MARCHF1: variants seen among roughly 807,000 people sequenced by gnomAD.
The protein encoded by MARCHF1 is membrane associated ring-CH-type finger 1.
A neutral mutation model predicts 54.2 loss-of-function variants in MARCHF1; 40 were observed. The ratio of observed to expected loss-of-function variants is 0.74; its 90% CI spans 0.57 to 0.96. MARCHF1 has a LOEUF of 0.96. MARCHF1 is among the 40% of genes least tolerant of loss of function. The probability of loss-of-function intolerance (pLI) is 0.00; values close to 1 mark genes in which losing one functional copy is unlikely to be tolerated. For synonymous variants in MARCHF1, 236 were observed against 236.3 expected (o/e 1.00, Z 0.01); for missense variants, 586 against 656.5 (o/e 0.89, Z 1.17).
At chr4:164,083,227 CG>C (rs1755134230) in intron 2 of MARCHF1, among the ~76,000 whole-genome samples, 9 of 151,872 alleles carry the variant, frequency 5.9e-5, no homozygotes, top group Admixed American at 5.2e-4. Context: ...ATGGTCTCTG[CG>C]GGGTGGTGAA....
intron 1 of MARCHF1, among the ~76,000 whole-genome samples, chr4:164,136,757 G>A (rs1264348131): frequency 6.6e-6 from 1 of 151,886 alleles, no homozygotes; most frequent in African/African-American, 2.4e-5. Context: ...GAAGTTGAGA[G>A]TGGGCAGACA....
chr4:163,756,850 T>C (rs1746690505), intron 4 of MARCHF1, among the ~76,000 whole-genome samples: 1 of 151,990 alleles, frequency 6.6e-6, no homozygotes, highest in South Asian at 2.1e-4. Context: ...TTGTGATATG[T>C]CTAAAGAAAA....
intron 4 of MARCHF1, among the ~76,000 whole-genome samples, chr4:163,769,944 C>T (rs937383793): frequency 2.6e-5 from 4 of 152,068 alleles, no homozygotes; most frequent in African/African-American, 9.7e-5. Flanking sequence ...GACTAACCCC[C>T]CTTTTCCTTT....
chr4:163,688,882 G>C (rs1744354741), intron 5 of MARCHF1, among the ~76,000 whole-genome samples: 1 of 152,102 alleles, frequency 6.6e-6, no homozygotes. Flanking sequence ...GCAAAAATTA[G>C]AAATAAATGA....
intron 1 of MARCHF1, chr4:164,188,853 CTTAT>C: frequency 1.3e-6 from 1 of 782,916 alleles, no homozygotes; most frequent in Non-Finnish European, 2.4e-6. Flanking sequence ...ACCGCTGAGG[CTTAT>C]TTGAGAAAGA....
chr4:164,205,273 G>T (rs1341816829), intron 1 of MARCHF1, among the ~76,000 whole-genome samples: 1 of 152,162 alleles, frequency 6.6e-6, no homozygotes, highest in Non-Finnish European at 1.5e-5. Flanking sequence ...CAGTCAATAT[G>T]TCCTCAAACT....
intron 4 of MARCHF1, among the ~76,000 whole-genome samples, chr4:163,808,511 C>T (rs1748290506): frequency 6.6e-6 from 1 of 152,070 alleles, no homozygotes; most frequent in Non-Finnish European, 1.5e-5. Context: ...ACAAATGAGG[C>T]CTGTGCTCCA....
chr4:163,531,445 A>T (rs1738346531), intron 9 of MARCHF1, among the ~76,000 whole-genome samples: 1 of 151,822 alleles, frequency 6.6e-6, no homozygotes, highest in African/African-American at 2.4e-5. Flanking sequence ...TAGGAACGGA[A>T]GGGAATTTCC....
chr4:163,720,497 T>A (rs534094336), intron 4 of MARCHF1, among the ~76,000 whole-genome samples: 2 of 152,256 alleles, frequency 1.3e-5, no homozygotes, highest in Non-Finnish European at 2.9e-5. Flanking sequence ...CTTAAGATTG[T>A]CTTGGCAATG....
At chr4:163,607,515 A>G (rs1408613364) in intron 7 of MARCHF1, among the ~76,000 whole-genome samples, 1 of 152,080 alleles carries the variant, frequency 6.6e-6, no homozygotes, top group Non-Finnish European at 1.5e-5. Context: ...AAACCATGAC[A>G]TTTGAGTTCC....
At chr4:164,211,597 G>A (rs1486671761) in intron 1 of MARCHF1, among the ~76,000 whole-genome samples, 1 of 151,868 alleles carries the variant, frequency 6.6e-6, no homozygotes, top group African/African-American at 2.4e-5. Flanking sequence ...AATATGTATA[G>A]AGTGTTTGCC....
chr4:163,579,334 CAAA>C (rs1276466049), intron 8 of MARCHF1, among the ~76,000 whole-genome samples: 1 of 152,054 alleles, frequency 6.6e-6, no homozygotes, highest in Admixed American at 6.5e-5. Flanking sequence ...CAAATAAAAA[CAAA>C]ACAAAGACAA....
At chr4:164,130,740 G>A (rs1756283388) in intron 1 of MARCHF1, among the ~76,000 whole-genome samples, 2 of 152,252 alleles carry the variant, frequency 1.3e-5, no homozygotes, top group South Asian at 2.1e-4. Flanking sequence ...GCCACACCTT[G>A]TGAACAGATC....
intron 2 of MARCHF1, among the ~76,000 whole-genome samples, chr4:164,004,246 C>CATACATAT: frequency 6.7e-6 from 1 of 150,086 alleles, no homozygotes; most frequent in East Asian, 2.0e-4. Flanking sequence ...TGTTTACATA[C>CATACATAT]ATATATATAT....
At chr4:164,235,459 A>C (rs1239976280) in intron 1 of MARCHF1, among the ~76,000 whole-genome samples, 1 of 152,146 alleles carries the variant, frequency 6.6e-6, no homozygotes, top group Admixed American at 6.6e-5. Context: ...GAACCTTCTC[A>C]GATAAAGTTA....
chr4:163,846,051 T>C (rs893791021), intron 4 of MARCHF1, among the ~76,000 whole-genome samples: 2 of 152,224 alleles, frequency 1.3e-5, no homozygotes, highest in East Asian at 1.9e-4. Context: ...TTGTGATGGT[T>C]ATTCTAATAA....
intron 4 of MARCHF1, among the ~76,000 whole-genome samples, chr4:163,840,447 A>G (rs1749305182): frequency 6.6e-6 from 1 of 152,118 alleles, no homozygotes. Context: ...TCATGGGTAT[A>G]TTGTGTGATG....
At chr4:163,637,304 C>T (rs1742371082) in intron 5 of MARCHF1, among the ~76,000 whole-genome samples, 2 of 152,174 alleles carry the variant, frequency 1.3e-5, no homozygotes, top group South Asian at 4.2e-4. Flanking sequence ...TCAGAGTGAA[C>T]AGGCAAGCTA....
At chr4:164,186,328 G>A (rs1730969440) in intron 1 of MARCHF1, among the ~76,000 whole-genome samples, 1 of 152,128 alleles carries the variant, frequency 6.6e-6, no homozygotes, top group African/African-American at 2.4e-5. Flanking sequence ...TTGGTGAATG[G>A]CTCTCTTTTT....
Sources: allele counts gnomAD v4.1 joint callset (sites outside exome capture counted in the v4.1 genomes callset), GRCh38; gene constraint gnomAD v4.1.1; transcripts MANE v1.5; gene names NCBI Gene and HGNC (gene_info 2026-07-23, HGNC 2026-07-21).